Variants in RPAP2 observed in about 807,000 individuals in gnomAD.
The protein encoded by RPAP2 is putative RNA polymerase II subunit B1 CTD phosphatase RPAP2.
In RPAP2, 52 loss-of-function variants were observed where a neutral mutation model predicts 73.1. That is an observed-to-expected ratio of 0.71 (90% CI 0.57 to 0.90). The LOEUF is 0.90. RPAP2 is among the 40% of genes least tolerant of loss of function. The pLI, the probability that RPAP2 is intolerant of heterozygous loss-of-function variation, is 0.00. For synonymous variants in RPAP2, 225 were observed against 242.1 expected (o/e 0.93, Z 0.65); for missense variants, 598 against 701.8 (o/e 0.85, Z 1.67).
chr1:92,309,580 TACATACACATACACATAC>T (rs56342531), intron 6 of RPAP2, among the ~76,000 whole-genome samples: 9,294 of 147,928 alleles, frequency 0.063, 967 homozygotes, highest in African/African-American at 0.22. Flanking sequence ...CATATACATA[TACATACACATACACATAC>T]ACATACACAT....
Position 92,394,283 on chromosome 1 carries a change from A to G in RPAP2, c.*7272A>G, listed in dbSNP as rs1656127420. ...TAAGTGGGAGTTAAACAATGAGAAC[A>G]CATGGACACAGGGAGGGTAACATCA... On this transcript the variant is annotated 3_prime_UTR_variant, in exon 13 of 13. Transcript: ENST00000610020. 6.6e-6 allele frequency: 1 copy of G among 152,158 alleles called. No individual in the cohort carries two copies. Among genetic ancestry groups the G allele is most frequent in the African/African-American group, 2.4e-5 (1 of 41,422 alleles). The allele number at this position is 152,158 out of a possible 1,614,324, so 9.4% of individuals were successfully genotyped here.
chr1:92,362,671 A>G (rs1432713401), intron 11 of RPAP2, among the ~76,000 whole-genome samples: 1 of 152,180 alleles, frequency 6.6e-6, no homozygotes, highest in African/African-American at 2.4e-5. Context: ...GTGGTGGTGA[A>G]AAGACATTAC....
At chr1:92,319,431 A>G (rs1370397231) in intron 6 of RPAP2, among the ~76,000 whole-genome samples, 1 of 152,160 alleles carries the variant, frequency 6.6e-6, no homozygotes, top group Non-Finnish European at 1.5e-5. Flanking sequence ...ATGAGGATCA[A>G]TATCTGTAAA....
chr1:92,347,539 G>A (rs1653969124), intron 11 of RPAP2, among the ~76,000 whole-genome samples: 1 of 152,178 alleles, frequency 6.6e-6, no homozygotes, highest in Admixed American at 6.5e-5. Flanking sequence ...ACTGCTTACT[G>A]AAGACACATT....
chr1:92,332,559 G>T (rs182935160), intron 8 of RPAP2, among the ~76,000 whole-genome samples: 2 of 152,184 alleles, frequency 1.3e-5, no homozygotes, highest in East Asian at 3.9e-4. Context: ...CTCTAGAATA[G>T]ATTTATATTT....
chr1:92,311,196 C>T (rs914215611), intron 6 of RPAP2, among the ~76,000 whole-genome samples: 1 of 152,142 alleles, frequency 6.6e-6, no homozygotes, highest in Admixed American at 6.5e-5. Context: ...AGGAAACCTG[C>T]TTCTCAACAC....
intron 12 of RPAP2, among the ~76,000 whole-genome samples, chr1:92,381,361 T>A (rs1489433625): frequency 6.6e-6 from 1 of 152,194 alleles, no homozygotes; most frequent in Admixed American, 6.5e-5. Flanking sequence ...ATCCTAACCC[T>A]GTTCCCAGAT....
Position 92,338,538 on chromosome 1 carries a change from C to A in RPAP2, c.1619+2111C>A, listed in dbSNP as rs369451048. On this transcript the variant is annotated intron_variant, in intron 10 of 12. Transcript: ENST00000610020. ...TAAATAGATATACATAGTATGGAAA[C>A]ACTGAAGTTTAGGATTTGTTCAGGA... Among the ~76,000 whole-genome samples the A allele has an allele frequency of 6.6e-5, 10 of 151,980 alleles. No individual in the cohort carries two copies. In the East Asian group the frequency reaches 1.3e-3, roughly 20 times the overall value.
chr1:92,362,219 G>A (rs147661839), intron 11 of RPAP2, among the ~76,000 whole-genome samples: 10 of 152,266 alleles, frequency 6.6e-5, no homozygotes, highest in Admixed American at 6.5e-4. Flanking sequence ...TTTCTCCTCT[G>A]TTGTTAAACA....
At chr1:92,333,301 CT>C in intron 8 of RPAP2, 89 bp from the exon 9 acceptor site, 2 of 1,027,620 alleles carry the variant, frequency 1.9e-6, no homozygotes, top group South Asian at 2.7e-5. Flanking sequence ...CAGATACAAA[CT>C]TTTGTGTTTT....
chr1:92,319,523 G>A (rs1224032252), intron 6 of RPAP2, among the ~76,000 whole-genome samples: 1 of 152,100 alleles, frequency 6.6e-6, no homozygotes. Flanking sequence ...TCCCAGCACT[G>A]TGGAAGGCTG....
chr1:92,325,549 T>C (rs2101189241), intron 8 of RPAP2, among the ~76,000 whole-genome samples: 1 of 152,256 alleles, frequency 6.6e-6, no homozygotes, highest in Non-Finnish European at 1.5e-5. Context: ...ATTTGACTTT[T>C]AAAAATTTAT....
chr1:92,386,555 C>G (rs561014967), intron 12 of RPAP2, among the ~76,000 whole-genome samples: 58 of 152,258 alleles, frequency 3.8e-4, no homozygotes, highest in African/African-American at 1.3e-3. Flanking sequence ...ACTTAGCCCT[C>G]AAGTTGAATA....
At chr1:92,303,441 T>C (rs2101103092) in intron 3 of RPAP2, among the ~76,000 whole-genome samples, 1 of 152,366 alleles carries the variant, frequency 6.6e-6, no homozygotes, top group African/African-American at 2.4e-5. Context: ...AAATATTTGA[T>C]GTTAGCTTAT....
intron 11 of RPAP2, among the ~76,000 whole-genome samples, chr1:92,359,578 C>T (rs746383461): frequency 7.2e-5 from 11 of 152,224 alleles, no homozygotes; most frequent in Non-Finnish European, 1.6e-4. Flanking sequence ...CCTTGGCCTC[C>T]CAAAGTGCTG....
intron 6 of RPAP2, among the ~76,000 whole-genome samples, chr1:92,308,295 A>G (rs1220920027): frequency 1.3e-5 from 2 of 152,184 alleles, no homozygotes; most frequent in Non-Finnish European, 2.9e-5. Flanking sequence ...ATTGTTCATC[A>G]TTTCACCACC....
chr1:92,344,594 T>A (rs940152735), intron 10 of RPAP2, among the ~76,000 whole-genome samples: 1 of 152,150 alleles, frequency 6.6e-6, no homozygotes, highest in African/African-American at 2.4e-5. Flanking sequence ...TATGTATAAG[T>A]GAGAGTATTT....
chr1:92,387,093 A>G lies in RPAP2; in HGVS notation c.*82A>G. ...TAGCCGCCATGATGGTCTGGTGGTG[A>G]CTGATAACTAGTTTTATTCCAAGAC... On this transcript the variant is annotated 3_prime_UTR_variant, in exon 13 of 13. Coordinates refer to ENST00000610020, the MANE Select transcript of RPAP2 (RefSeq NM_024813.3). 3.7e-6 allele frequency: 5 copies of G among 1,368,018 alleles called. No homozygotes were observed. The highest frequency in any genetic ancestry group is 5.0e-6 in the Non-Finnish European group (5 of 993,686). The allele number at this position is 1,368,018 out of a possible 1,614,324, so 84.7% of individuals were successfully genotyped here.
At chr1:92,336,275 G>T in intron 9 of RPAP2, 72 bp from the exon 10 acceptor site, 2 of 979,706 alleles carry the variant, frequency 2.0e-6, no homozygotes, top group Admixed American at 2.0e-5. Context: ...GGAAAATTCA[G>T]ATCTAGGCAT....
Sources: gnomAD v4.1 joint callset for allele counts (sites outside exome capture counted in the v4.1 genomes callset) on GRCh38, gnomAD v4.1.1 for gene constraint, MANE v1.5 for transcripts, NCBI Gene and HGNC (gene_info 2026-07-23, HGNC 2026-07-21) for gene names.